PPFIBP1: variants seen among roughly 807,000 people sequenced by gnomAD.
The protein encoded by PPFIBP1 is liprin-beta-1.
PPFIBP1 carries 112 observed loss-of-function variants against 137.8 expected under a neutral mutation model. That is an observed-to-expected ratio of 0.81 (90% CI 0.70 to 0.95). The LOEUF is 0.95. PPFIBP1 is among the 40% of genes least tolerant of loss of function. The pLI, the probability that PPFIBP1 is intolerant of heterozygous loss-of-function variation, is 0.00. For missense variants in PPFIBP1, 1,083 were observed against 1,196.6 expected (o/e 0.91, Z 1.40); for synonymous variants, 378 against 417.3 (o/e 0.91, Z 1.15).
intron 28 of PPFIBP1, 102 bp downstream of exon 28, chr12:27,692,030 A>C: frequency 9.8e-7 from 1 of 1,016,642 alleles, no homozygotes; most frequent in Non-Finnish European, 1.4e-6. Context: ...TTCTTCAAAT[A>C]ACTAAAAATA....
intron 1 of PPFIBP1, among the ~76,000 whole-genome samples, chr12:27,529,002 A>T (rs1944099472): frequency 6.6e-6 from 1 of 152,214 alleles, no homozygotes. Flanking sequence ...GGCAAGTGTA[A>T]TGAGTTCAGA....
intron 2 of PPFIBP1, among the ~76,000 whole-genome samples, chr12:27,596,111 T>TGC: frequency 7.1e-6 from 1 of 140,408 alleles, no homozygotes; most frequent in South Asian, 2.4e-4. Flanking sequence ...CACACACATA[T>TGC]GCTTACAAAT....
chr12:27,576,097 A>G (rs1255815495), intron 1 of PPFIBP1, among the ~76,000 whole-genome samples: 1 of 152,204 alleles, frequency 6.6e-6, no homozygotes, highest in Non-Finnish European at 1.5e-5. Context: ...TCTCTGGAGC[A>G]CATTCAGGCA....
intron 2 of PPFIBP1, among the ~76,000 whole-genome samples, chr12:27,620,890 CTG>C (rs1273112723): frequency 6.6e-6 from 1 of 152,166 alleles, no homozygotes. Context: ...TATATTTAAA[CTG>C]TTTATTTTTT....
intron 1 of PPFIBP1, among the ~76,000 whole-genome samples, chr12:27,556,001 A>T (rs921675780): frequency 1.3e-5 from 2 of 152,240 alleles, no homozygotes; most frequent in African/African-American, 4.8e-5. Flanking sequence ...AATACAGAAT[A>T]TTTTGGAATT....
chr12:27,550,302 G>A (rs1946635424), intron 1 of PPFIBP1, among the ~76,000 whole-genome samples: 1 of 152,168 alleles, frequency 6.6e-6, no homozygotes, highest in Admixed American at 6.5e-5. Context: ...TCCCTATGGA[G>A]TTTCTGTACT....
intron 2 of PPFIBP1, chr12:27,599,255 T>G (rs1218958075): frequency 4.5e-6 from 1 of 222,586 alleles, no homozygotes; most frequent in African/African-American, 2.3e-5. Flanking sequence ...CCCTTCCCAG[T>G]GTGGGTGGAC....
chr12:27,644,243 A>ATTTTTTTTTTTTTTTTTTTTTTTT, intron 4 of PPFIBP1, among the ~76,000 whole-genome samples: 1 of 50,920 alleles, frequency 2.0e-5, no homozygotes, highest in South Asian at 7.2e-4. Context: ...AGCTTGGCTA[A>ATTTTTTTTTTTTTTTTTTTTTTTT]GTTTTTTTTT....
chr12:27,638,729 C>G (rs2057877561), intron 4 of PPFIBP1, among the ~76,000 whole-genome samples: 1 of 152,166 alleles, frequency 6.6e-6, no homozygotes, highest in Admixed American at 6.6e-5. Flanking sequence ...ACAAACCACC[C>G]ATACATAGTT....
chr12:27,671,551 G>A lies in PPFIBP1; in HGVS notation c.1262+5G>A, dbSNP rs1425996358. 1 of 1,521,162 alleles carries A rather than the reference G, an allele frequency of 6.6e-7. No individual in the cohort carries two copies. Among genetic ancestry groups the A allele is most frequent in the Non-Finnish European group, 9.0e-7 (1 of 1,112,570 alleles). 94.2% of individuals were successfully genotyped at this position (1,521,162 alleles called of 1,614,324 possible). A position where few individuals can be genotyped will look rare whatever the true frequency, so the allele number is the denominator to read the frequency against. ...AGAGACTTCATTTGAAGAAAAGTATGTCATTTATTAACAGTGCAATATAAA... is the reference window on the plus strand; with the variant it reads ...AGAGACTTCATTTGAAGAAAAGTATATCATTTATTAACAGTGCAATATAAA... On this transcript the variant is annotated splice_donor_5th_base_variant and intron_variant, in intron 14 of 29. Transcript: ENST00000228425.
At chr12:27,676,297 C>A in intron 17 of PPFIBP1, 131 bp from the exon 18 acceptor site, 1 of 624,336 alleles carries the variant, frequency 1.6e-6, no homozygotes, top group Non-Finnish European at 2.4e-6. Flanking sequence ...CATTGGTGAT[C>A]AATGTATTAG....
At chr12:27,592,785 A>G (rs902783284) in intron 2 of PPFIBP1, 2 of 735,368 alleles carry the variant, frequency 2.7e-6, no homozygotes, top group Admixed American at 2.2e-5. Flanking sequence ...GGTAGGCGTA[A>G]CCATGACAGC....
At chr12:27,553,901 C>T (rs4931115) in intron 1 of PPFIBP1, among the ~76,000 whole-genome samples, 150,307 of 152,354 alleles carry the variant, frequency 0.99, 74,176 homozygotes, top group East Asian at 1. Flanking sequence ...ATACGTGTTA[C>T]TTAAAAAACT....
Position 27,570,028 on chromosome 12 carries a change from G to A in PPFIBP1, c.-123-8124G>A, listed in dbSNP as rs549102869. 4.6e-5 allele frequency among the ~76,000 whole-genome samples: 7 copies of A among 152,140 alleles called. No homozygotes were observed. In the South Asian group the frequency reaches 1.2e-3, roughly 27 times the overall value. On this transcript the variant is annotated intron_variant, in intron 1 of 29. Transcript: ENST00000228425. ...ATTCAGATATTTCCAATTAGTTATT[G>A]TTATTTAGAGTTCTACAACATCGCC...
intron 19 of PPFIBP1, chr12:27,677,878 A>G (rs2060624582): frequency 6.6e-6 from 1 of 152,264 alleles, no homozygotes; most frequent in African/African-American, 2.4e-5. Context: ...GTTACCTTGT[A>G]TAGATATCCA....
At chr12:27,656,231 A>G (rs1449289222) in intron 8 of PPFIBP1, among the ~76,000 whole-genome samples, 1 of 152,168 alleles carries the variant, frequency 6.6e-6, no homozygotes, top group Non-Finnish European at 1.5e-5. Flanking sequence ...AGTCTTTTCC[A>G]ATTTGCATTT....
At chr12:27,660,794 C>A in intron 10 of PPFIBP1, 90 bp from the exon 11 acceptor site, 1 of 1,505,554 alleles carries the variant, frequency 6.6e-7, no homozygotes, top group South Asian at 1.4e-5. Context: ...ACATCTTTAC[C>A]TTAAAATATT....
rs1313253464 is a variant in PPFIBP1 at position 27,662,127 on chromosome 12, CAA to C, written c.906+1184_906+1185del. 3.9e-5 allele frequency among the ~76,000 whole-genome samples: 6 copies of C among 152,120 alleles called. No individual in the cohort carries two copies. Among genetic ancestry groups the C allele is most frequent in the Non-Finnish European group, 8.8e-5 (6 of 68,028 alleles). Reference sequence around the variant, plus strand: ...GTGGGGTCGGGGATTCAGAAGACTTCAAAGAGGACATAATTTGAGCAAATTCT... The same window carrying C: ...GTGGGGTCGGGGATTCAGAAGACTTCAGAGGACATAATTTGAGCAAATTCT... On this transcript the variant is annotated intron_variant, in intron 11 of 29. Coordinates refer to ENST00000228425, the MANE Select transcript of PPFIBP1 (RefSeq NM_003622.4).
intron 1 of PPFIBP1, among the ~76,000 whole-genome samples, chr12:27,536,994 G>T (rs1215819247): frequency 1.3e-5 from 2 of 152,118 alleles, no homozygotes; most frequent in Non-Finnish European, 2.9e-5. Context: ...CTGGTCATCA[G>T]CAAGGTCATT....
Sources: allele counts gnomAD v4.1 joint callset (sites outside exome capture counted in the v4.1 genomes callset), GRCh38; gene constraint gnomAD v4.1.1; transcripts MANE v1.5; gene names NCBI Gene and HGNC (gene_info 2026-07-23, HGNC 2026-07-21).